PRUNE2: variants seen among roughly 807,000 people sequenced by gnomAD.
PRUNE2 encodes the protein prune homolog 2 with BCH domain.
In PRUNE2, 164 loss-of-function variants were observed where a neutral mutation model predicts 252.0. The ratio of observed to expected loss-of-function variants is 0.65; its 90% CI spans 0.57 to 0.74. The LOEUF is 0.74. PRUNE2 is among the 30% of genes least tolerant of loss of function. The pLI, the probability that PRUNE2 is intolerant of heterozygous loss-of-function variation, is 0.00. For synonymous variants in PRUNE2, 1,292 were observed against 1,350.2 expected, an observed-to-expected ratio of 0.96 and a Z score of 0.94; for missense variants, 3,495 against 3,711.0, an observed-to-expected ratio of 0.94 and a Z score of 1.51.
intron 4 of PRUNE2, among the ~76,000 whole-genome samples, chr9:76,845,978 AG>A (rs1189955312): frequency 6.6e-6 from 1 of 152,240 alleles, no homozygotes; most frequent in Admixed American, 6.5e-5. Context: ...TCAGGACCCC[AG>A]GGCTTGAAAC....
Position 76,708,378 on chromosome 9 carries a change from G to C in PRUNE2, c.3896C>G (p.Ser1299Cys), listed in dbSNP as rs2046459639. 6.2e-7 allele frequency: 1 copy of C among 1,613,782 alleles called. No homozygotes were observed. The highest frequency in any genetic ancestry group is 8.5e-7 in the Non-Finnish European group (1 of 1,179,866). Reference protein sequence around the residue: ...ERETLQSDAASLATRLENPGY... With the variant: ...ERETLQSDAACLATRLENPGY... ...TGGATTCTCAAGCCTAGTCGCCAAG[G>C]ATGCTGCATCACTTTGCAGGGTTTC... is the stretch of plus-strand genomic sequence containing the variant. Residue 1299 changes from serine to cysteine, a missense_variant, in exon 8 of 19, where the codon TCC becomes TGC. Transcript: ENST00000376718.
rs1323557416 is a variant in PRUNE2, at chr9:76,703,522, T to G, written c.8091A>C (p.Gln2697His). The G allele has an allele frequency of 1.9e-6, 3 of 1,613,772 alleles. No homozygotes were observed. Among genetic ancestry groups the G allele is most frequent in the Non-Finnish European group, 1.7e-6 (2 of 1,179,880 alleles). Residue 2697 changes from glutamine (Q) to histidine (H), a missense_variant, in exon 9 of 19, where the codon CAA becomes CAC. Transcript: ENST00000376718. ...ALEEASGPVS[Q>H]SQKSKSRGRA... The stretch of plus-strand genomic sequence containing the variant: ...TGCCTCGGCTCTTACTCTTCTGTGA[T>G]TGGCTGACTGGACCAGAGGCTTCCT...
At chr9:76,810,474 C>T (rs1257765255) in intron 6 of PRUNE2, among the ~76,000 whole-genome samples, 1 of 152,168 alleles carries the variant, frequency 6.6e-6, no homozygotes, top group Non-Finnish European at 1.5e-5. Flanking sequence ...TGAAGGAATA[C>T]AAGAAGACAA....
At chr9:76,625,075 C>A (rs1267263886) in intron 16 of PRUNE2, 3 of 1,300,958 alleles carry the variant, frequency 2.3e-6, no homozygotes, top group Admixed American at 2.3e-5. Context: ...AGATAAAAAA[C>A]GAGTGCCATA....
At chr9:76,870,672 C>A (rs1157064342) in intron 1 of PRUNE2, among the ~76,000 whole-genome samples, 4 of 140,276 alleles carry the variant, frequency 2.9e-5, no homozygotes, top group Admixed American at 7.4e-5. Context: ...GGTGACAGAG[C>A]GAGATTCTGT....
At chr9:76,888,945 C>A (rs558004898) in intron 1 of PRUNE2, among the ~76,000 whole-genome samples, 1 of 152,094 alleles carries the variant, frequency 6.6e-6, no homozygotes, top group Non-Finnish European at 1.5e-5. Context: ...CAGGTTCAAG[C>A]GATTCTCCTG....
chr9:76,705,003 C>G lies in PRUNE2; in HGVS notation c.7271G>C (p.Cys2424Ser). 5 of 1,613,912 alleles carry G rather than the reference C, an allele frequency of 3.1e-6. No homozygotes were observed. The highest frequency in any genetic ancestry group is 3.4e-6 in the Non-Finnish European group (4 of 1,179,814). Residue 2424 changes from cysteine to serine, a missense_variant, in exon 8 of 19, where the codon TGC becomes TCC. Coordinates refer to ENST00000376718, the MANE Select transcript of PRUNE2 (RefSeq NM_015225.3). ...AGAAAGCACTATCTCTGCTGCTCTG[C>G]ATCCCAGAGATTCATCCTCTGGAGA... The part of the protein sequence containing the change: ...AGSPEDESLG[C>S]RAAEIVLSAL...
At chr9:76,899,074 A>G (rs2133687078) in intron 1 of PRUNE2, among the ~76,000 whole-genome samples, 1 of 152,268 alleles carries the variant, frequency 6.6e-6, no homozygotes, top group Non-Finnish European at 1.5e-5. Context: ...TTCCCTGCCA[A>G]TCTCTCTCAT....
At chr9:76,637,139 T>C (rs1441002128) in intron 14 of PRUNE2, among the ~76,000 whole-genome samples, 3 of 152,198 alleles carry the variant, frequency 2.0e-5, no homozygotes, top group Non-Finnish European at 2.9e-5. Flanking sequence ...CATTTTCTCA[T>C]AGAAGTAAAT....
At chr9:76,891,527 T>C (rs1389315727) in intron 1 of PRUNE2, among the ~76,000 whole-genome samples, 6 of 152,222 alleles carry the variant, frequency 3.9e-5, no homozygotes, top group Non-Finnish European at 8.8e-5. Context: ...AGTTGCATAC[T>C]GTACATCAGA....
chr9:76,792,506 C>T (rs1193898224), intron 6 of PRUNE2, among the ~76,000 whole-genome samples: 1 of 152,192 alleles, frequency 6.6e-6, no homozygotes, highest in Non-Finnish European at 1.5e-5. Flanking sequence ...CTGCAGGATG[C>T]TTCTCCACAT....
In PRUNE2 at chr9:76,779,274, T is replaced by C. The variant is rs114271371; in HGVS notation, c.756+44358A>G. ...AAGTATCTGGATGTTCCTTAGTCAC[T>C]TAAAGGAGAACTGAAAAATAGCAGT... On this transcript the variant is annotated intron_variant, in intron 6 of 18. Coordinates refer to ENST00000376718, the MANE Select transcript of PRUNE2 (RefSeq NM_015225.3). 5.8e-3 allele frequency among the ~76,000 whole-genome samples: 878 copies of C among 151,700 alleles called. 4 individuals carry two copies. The highest frequency in any genetic ancestry group is 0.018 in the African/African-American group (741 of 41,264).
intron 9 of PRUNE2, among the ~76,000 whole-genome samples, chr9:76,666,501 G>A (rs1351852803): frequency 6.6e-6 from 1 of 152,184 alleles, no homozygotes; most frequent in African/African-American, 2.4e-5. Flanking sequence ...TCTCTGATAT[G>A]CAGAAATAAT....
chr9:76,873,034 C>T (rs577791782), intron 1 of PRUNE2, among the ~76,000 whole-genome samples: 34 of 152,098 alleles, frequency 2.2e-4, no homozygotes, highest in South Asian at 4.2e-4. Flanking sequence ...TGTGAAGACA[C>T]AGGGAGAAGC....
chr9:76,626,356 A>G (rs1396118235), intron 16 of PRUNE2, among the ~76,000 whole-genome samples: 2 of 152,186 alleles, frequency 1.3e-5, no homozygotes, highest in East Asian at 1.9e-4. Context: ...CTGAGATTAG[A>G]TCCTTTGAAT....
intron 12 of PRUNE2, among the ~76,000 whole-genome samples, chr9:76,639,354 G>C (rs1841567655): frequency 6.6e-6 from 1 of 152,118 alleles, no homozygotes; most frequent in Admixed American, 6.5e-5. Flanking sequence ...AGCCAAGCGT[G>C]GTGGCACACG....
intron 2 of PRUNE2, among the ~76,000 whole-genome samples, chr9:76,852,834 ATC>A (rs954329633): frequency 1.8e-5 from 2 of 109,406 alleles, no homozygotes; most frequent in Non-Finnish European, 3.7e-5. Context: ...CTATCTATCT[ATC>A]TATCTATCTA....
intron 4 of PRUNE2, 114 bp from the exon 5 acceptor site, chr9:76,826,846 C>T (rs1048708609): frequency 4.7e-6 from 4 of 858,400 alleles, no homozygotes; most frequent in South Asian, 1.8e-5. Flanking sequence ...CTGTCTCTCA[C>T]CTGGACCAGA....
intron 17 of PRUNE2, among the ~76,000 whole-genome samples, chr9:76,620,058 C>T (rs1200714542): frequency 6.6e-6 from 1 of 151,392 alleles, no homozygotes; most frequent in Non-Finnish European, 1.5e-5. Context: ...GGTGTGATTT[C>T]TCTGTGAGCA....
Sources: gnomAD v4.1 joint callset for allele counts (sites outside exome capture counted in the v4.1 genomes callset) on GRCh38, gnomAD v4.1.1 for gene constraint, MANE v1.5 for transcripts, NCBI Gene and HGNC (gene_info 2026-07-23, HGNC 2026-07-21) for gene names.